Variants in ZNF487 observed in about 807,000 individuals in gnomAD.
ZNF487 encodes KRAB domain only 1.
A neutral mutation model predicts 3.0 loss-of-function variants in ZNF487; 4 were observed. The ratio of observed to expected loss-of-function variants is 1.35; its 90% CI spans 0.66 to 3.08. ZNF487 has a LOEUF of 3.08. ZNF487 is among the 30% of genes most tolerant of loss of function. ZNF487 has a pLI of 0.01. For synonymous variants in ZNF487, 55 were observed against 34.6 expected, an observed-to-expected ratio of 1.59 and a Z score of -2.06; for missense variants, 146 against 98.7, an observed-to-expected ratio of 1.48 and a Z score of -2.03.
At chr10:43,464,473 A>G (rs1840576709) in intron 1 of ZNF487, among the ~76,000 whole-genome samples, 1 of 152,186 alleles carries the variant, frequency 6.6e-6, no homozygotes, top group East Asian at 1.9e-4. Flanking sequence ...CAGCAGATAA[A>G]CAAGTGAACA....
chr10:43,464,130 G>C (rs954196889), intron 1 of ZNF487, among the ~76,000 whole-genome samples: 10 of 151,738 alleles, frequency 6.6e-5, no homozygotes, highest in African/African-American at 2.4e-4. Flanking sequence ...CCTAAATTAG[G>C]CCTCTTGTGC....
chr10:43,498,811 G>A, the ZNF487 span, among the ~76,000 whole-genome samples: 1 of 151,470 alleles, frequency 6.6e-6, no homozygotes, highest in Non-Finnish European at 1.5e-5. Context: ...GCGTAGTGGC[G>A]GGCGCCTGTA....
downstream of ZNF487, among the ~76,000 whole-genome samples, chr10:43,484,476 G>A (rs1226209213): frequency 6.6e-6 from 1 of 151,848 alleles, no homozygotes; most frequent in Non-Finnish European, 1.5e-5. Context: ...GCATGATGGT[G>A]GGCACCTATA....
At chr10:43,519,307 A>G in the ZNF487 span, among the ~76,000 whole-genome samples, 2 of 152,122 alleles carry the variant, frequency 1.3e-5, no homozygotes, top group Non-Finnish European at 2.9e-5. Context: ...GACATCACCC[A>G]CAAGCAGATC....
chr10:43,456,216 T>A (rs886096650), intron 1 of ZNF487, among the ~76,000 whole-genome samples: 9 of 152,144 alleles, frequency 5.9e-5, no homozygotes, highest in African/African-American at 2.2e-4. Context: ...CTTGGGGCCC[T>A]GATGTAAGCC....
chr10:43,476,414 T>C (rs2132138031), intron 3 of ZNF487, among the ~76,000 whole-genome samples: 1 of 152,324 alleles, frequency 6.6e-6, no homozygotes, highest in Non-Finnish European at 1.5e-5. Context: ...TTTGTTTTTT[T>C]CCAAAACTTA....
At chr10:43,444,236 A>G (rs951039926) in intron 1 of ZNF487, among the ~76,000 whole-genome samples, 11 of 152,120 alleles carry the variant, frequency 7.2e-5, no homozygotes, top group African/African-American at 2.4e-4. Context: ...TAAAATCTGT[A>G]CCCATTGATG....
rs530305853 is a variant in ZNF487 at position 43,459,221 on chromosome 10, T to TTTTC, written c.-93-16480_-93-16477dup. On this transcript the variant is annotated intron_variant, in intron 1 of 3. Coordinates refer to ENST00000437590, the MANE Select transcript of ZNF487 (RefSeq NM_001355444.3). Reference sequence around the variant, plus strand: ...TTGCTGTTCCCAAGGTATCCAGTCTTTTTCTTTCTTTCTTTCTTTCTTTTT... The same window carrying TTTTC: ...TTGCTGTTCCCAAGGTATCCAGTCTTTTTCTTTCTTTCTTTCTTTCTTTCTTTTT... Among the ~76,000 whole-genome samples, 1,415 of 152,030 alleles carry TTTTC rather than the reference T, an allele frequency of 9.3e-3. 16 individuals are homozygous for TTTTC. The highest frequency in any genetic ancestry group is 0.03 in the African/African-American group (1,259 of 41,474).
chr10:43,450,569 T>G (rs1379962831), intron 1 of ZNF487, among the ~76,000 whole-genome samples: 2 of 150,406 alleles, frequency 1.3e-5, no homozygotes, highest in Non-Finnish European at 3.0e-5. Flanking sequence ...GGCCAGGAGT[T>G]CGACTCCTGA....
At chr10:43,475,334 C>T (rs1302140134) in intron 1 of ZNF487, among the ~76,000 whole-genome samples, 1 of 152,006 alleles carries the variant, frequency 6.6e-6, no homozygotes, top group African/African-American at 2.4e-5. Context: ...GCCTGGGCAA[C>T]ATGGTGAGAC....
chr10:43,508,947 C>T, the ZNF487 span, among the ~76,000 whole-genome samples: 20 of 152,096 alleles, frequency 1.3e-4, no homozygotes, highest in Non-Finnish European at 2.9e-5. Context: ...TGGCTCCCAG[C>T]ATTTCAAGAG....
chr10:43,514,067 T>C, the ZNF487 span, among the ~76,000 whole-genome samples: 1 of 152,168 alleles, frequency 6.6e-6, no homozygotes, highest in Non-Finnish European at 1.5e-5. Flanking sequence ...TTCAAGGGGT[T>C]CTGGATCTGT....
intron 1 of ZNF487, among the ~76,000 whole-genome samples, chr10:43,437,812 T>C (rs531544872): frequency 3.8e-4 from 58 of 152,232 alleles, no homozygotes; most frequent in Admixed American, 8.5e-4. Context: ...CTTCCTTCAT[T>C]AGCTTTACTA....
At chr10:43,503,585 C>T in the ZNF487 span, among the ~76,000 whole-genome samples, 3 of 152,044 alleles carry the variant, frequency 2.0e-5, no homozygotes, top group Non-Finnish European at 4.4e-5. Context: ...GTGCCCTATA[C>T]AGGTGTGCCA....
chr10:43,518,951 C>T, the ZNF487 span, among the ~76,000 whole-genome samples: 120 of 152,244 alleles, frequency 7.9e-4, no homozygotes, highest in African/African-American at 2.8e-3. Flanking sequence ...ACAGCAAAAG[C>T]TAAAAAGTAA....
the ZNF487 span, among the ~76,000 whole-genome samples, chr10:43,501,788 C>CTTTTTTT: frequency 1.3e-5 from 2 of 148,218 alleles, no homozygotes; most frequent in African/African-American, 2.5e-5. Flanking sequence ...TTTAACTTTC[C>CTTTTTTT]TTTTTTTTTT....
At chr10:43,493,709 A>AAAAAAAAAAAAAAATAT in the ZNF487 span, among the ~76,000 whole-genome samples, 4 of 43,698 alleles carry the variant, frequency 9.2e-5, no homozygotes, top group African/African-American at 3.5e-4. Context: ...AAAAAAAAAA[A>AAAAAAAAAAAAAAATAT]ATATATATAT....
At chr10:43,476,459 C>CA (rs1213297910) in intron 3 of ZNF487, among the ~76,000 whole-genome samples, 5 of 152,090 alleles carry the variant, frequency 3.3e-5, no homozygotes, top group Non-Finnish European at 5.9e-5. Context: ...AAATGAATGT[C>CA]ATTTGACTCT....
the ZNF487 span, among the ~76,000 whole-genome samples, chr10:43,497,888 A>G: frequency 6.7e-6 from 1 of 148,808 alleles, no homozygotes; most frequent in African/African-American, 2.5e-5. Context: ...AATGGCGTGA[A>G]CCCGGGAGGC....
Sources: allele counts gnomAD v4.1 joint callset (sites outside exome capture counted in the v4.1 genomes callset), GRCh38; gene constraint gnomAD v4.1.1; transcripts MANE v1.5; gene names NCBI Gene and HGNC (gene_info 2026-07-23, HGNC 2026-07-21).